Variants in PLCXD3 observed in about 807,000 individuals in gnomAD.
PLCXD3 encodes phosphatidylinositol specific phospholipase C X domain containing 3.
In PLCXD3, 19 loss-of-function variants were observed where a neutral mutation model predicts 25.5. That is an observed-to-expected ratio of 0.75 (90% CI 0.52 to 1.09). The LOEUF is 1.09. Among genes scored for constraint, PLCXD3 ranks in the 50% least tolerant of loss-of-function variants. The pLI is 0.00. For synonymous variants in PLCXD3, 174 were observed against 137.6 expected, an observed-to-expected ratio of 1.26 and a Z score of -1.85; for missense variants, 411 against 388.1, an observed-to-expected ratio of 1.06 and a Z score of -0.50.
chr5:41,459,096 G>C (rs1346540808), intron 1 of PLCXD3, among the ~76,000 whole-genome samples: 1 of 151,758 alleles, frequency 6.6e-6, no homozygotes, highest in Non-Finnish European at 1.5e-5. Flanking sequence ...ACTCTTTCAA[G>C]GGTCTAAATA....
chr5:41,412,685 T>C lies in PLCXD3; in HGVS notation c.104-30151A>G, dbSNP rs1344149639. 3.3e-5 allele frequency among the ~76,000 whole-genome samples: 5 copies of C among 152,244 alleles called. No homozygotes were observed. The South Asian group carries it at 6.2e-4, about 19-fold the overall frequency. Reference sequence around the variant, plus strand: ...TTTCAGCCTTAATGTCTCACATCTTTATTACATTATCTTTTATTGTGTCAG... The same window carrying C: ...TTTCAGCCTTAATGTCTCACATCTTCATTACATTATCTTTTATTGTGTCAG... On this transcript the variant is annotated intron_variant, in intron 1 of 2. Coordinates refer to ENST00000377801, the MANE Select transcript of PLCXD3 (RefSeq NM_001005473.3).
intron 1 of PLCXD3, among the ~76,000 whole-genome samples, chr5:41,406,350 G>C (rs574682033): frequency 6.6e-6 from 1 of 152,110 alleles, no homozygotes. Context: ...CTGCATTTTA[G>C]AGCCCCTGTG....
chr5:41,451,898 C>T (rs944257032), intron 1 of PLCXD3, among the ~76,000 whole-genome samples: 32 of 152,096 alleles, frequency 2.1e-4, no homozygotes, highest in African/African-American at 7.5e-4. Flanking sequence ...TTCCCAAGGC[C>T]TACTTGACCC....
chr5:41,450,540 A>T (rs1436953734), intron 1 of PLCXD3, among the ~76,000 whole-genome samples: 1 of 152,096 alleles, frequency 6.6e-6, no homozygotes, highest in Non-Finnish European at 1.5e-5. Flanking sequence ...TACAATGCTG[A>T]TAGAAGCAGC....
At chr5:41,327,670 C>T (rs565609289) in intron 2 of PLCXD3, among the ~76,000 whole-genome samples, 4 of 152,066 alleles carry the variant, frequency 2.6e-5, no homozygotes, top group Admixed American at 6.6e-5. Flanking sequence ...ATTAAATTCC[C>T]TTTGAATTTG....
At chr5:41,428,419 C>G (rs937683037) in intron 1 of PLCXD3, among the ~76,000 whole-genome samples, 4 of 131,756 alleles carry the variant, frequency 3.0e-5, no homozygotes, top group African/African-American at 1.1e-4. Flanking sequence ...GGCCCTAATC[C>G]AATCTGTCAT....
At chr5:41,428,663 A>G (rs1747024046) in intron 1 of PLCXD3, among the ~76,000 whole-genome samples, 1 of 152,076 alleles carries the variant, frequency 6.6e-6, no homozygotes, top group African/African-American at 2.4e-5. Context: ...CTAGCACACT[A>G]ATAGTGTTTT....
intron 1 of PLCXD3, among the ~76,000 whole-genome samples, chr5:41,406,201 A>C (rs1465860234): frequency 6.6e-6 from 1 of 151,852 alleles, no homozygotes; most frequent in East Asian, 1.9e-4. Flanking sequence ...GAAGGTTAAC[A>C]CCTTCATTTC....
At chr5:41,425,227 A>G (rs1371475546) in intron 1 of PLCXD3, among the ~76,000 whole-genome samples, 1 of 151,670 alleles carries the variant, frequency 6.6e-6, no homozygotes, top group Admixed American at 6.6e-5. Context: ...CCCTCCCTTT[A>G]CTTTCAACCT....
chr5:41,467,447 T>C (rs909275132), intron 1 of PLCXD3, among the ~76,000 whole-genome samples: 3 of 152,186 alleles, frequency 2.0e-5, no homozygotes, highest in Non-Finnish European at 2.9e-5. Flanking sequence ...TTTTTTTGGA[T>C]ATTAACCTCT....
chr5:41,478,375 A>G (rs918857005), intron 1 of PLCXD3, among the ~76,000 whole-genome samples: 3 of 152,224 alleles, frequency 2.0e-5, no homozygotes, highest in Non-Finnish European at 4.4e-5. Context: ...GTCCCTTACC[A>G]GAACATATAA....
At chr5:41,385,303 C>T (rs1745602702) in intron 1 of PLCXD3, among the ~76,000 whole-genome samples, 1 of 152,028 alleles carries the variant, frequency 6.6e-6, no homozygotes, top group Admixed American at 6.6e-5. Flanking sequence ...ATTCTTCTCT[C>T]ATCCACAGTC....
intron 1 of PLCXD3, among the ~76,000 whole-genome samples, chr5:41,509,810 C>A (rs1212975043): frequency 6.6e-6 from 1 of 152,240 alleles, no homozygotes; most frequent in African/African-American, 2.4e-5. Context: ...CAAACCGATA[C>A]GAAATGGTGC....
intron 2 of PLCXD3, among the ~76,000 whole-genome samples, chr5:41,358,460 G>A (rs968491811): frequency 2.0e-5 from 3 of 151,924 alleles, no homozygotes; most frequent in Non-Finnish European, 2.9e-5. Flanking sequence ...CCCCACTCCC[G>A]CTCTTTCCCC....
chr5:41,377,273 T>C lies in PLCXD3; in HGVS notation c.812+4553A>G, dbSNP rs569483058. On this transcript the variant is annotated intron_variant, in intron 2 of 2. Transcript: ENST00000377801. ...GAACCTAATCATGAATATAACACAG[T>C]AAAGGATCTAACAGATAGTGAACCC... Among the ~76,000 whole-genome samples, 5 of 152,000 alleles carry C rather than the reference T, an allele frequency of 3.3e-5. No homozygotes were observed. The East Asian group carries it at 9.7e-4, about 29-fold the overall frequency.
intron 1 of PLCXD3, among the ~76,000 whole-genome samples, chr5:41,385,006 TATATA>T (rs1216652362): frequency 6.6e-6 from 1 of 152,106 alleles, no homozygotes; most frequent in Non-Finnish European, 1.5e-5. Context: ...TTGTAAGAAA[TATATA>T]ATATAGTGTT....
intron 1 of PLCXD3, among the ~76,000 whole-genome samples, chr5:41,429,628 G>A (rs146230840): frequency 6.6e-6 from 1 of 152,066 alleles, no homozygotes; most frequent in Admixed American, 6.6e-5. Context: ...AAATAAAAAG[G>A]CACAGTTGGT....
At chr5:41,391,493 T>C (rs1289239920) in intron 1 of PLCXD3, among the ~76,000 whole-genome samples, 3 of 152,262 alleles carry the variant, frequency 2.0e-5, no homozygotes, top group East Asian at 1.9e-4. Context: ...GAAAGAGATG[T>C]AGTTCTGCCG....
chr5:41,342,535 A>G (rs1744180930), intron 2 of PLCXD3, among the ~76,000 whole-genome samples: 1 of 152,144 alleles, frequency 6.6e-6, no homozygotes, highest in African/African-American at 2.4e-5. Flanking sequence ...TTCACAAATG[A>G]TATCTTCTTG....
Sources: allele counts gnomAD v4.1 joint callset (sites outside exome capture counted in the v4.1 genomes callset), GRCh38; gene constraint gnomAD v4.1.1; transcripts MANE v1.5; gene names NCBI Gene and HGNC (gene_info 2026-07-23, HGNC 2026-07-21).